PCDH15: variants seen among roughly 807,000 people sequenced by gnomAD.
PCDH15 encodes the protein protocadherin related 15.
PCDH15 carries 129 observed loss-of-function variants against 178.5 expected under a neutral mutation model. The observed-to-expected ratio is 0.72, with a 90% CI of 0.63 to 0.84. The LOEUF is 0.84. PCDH15 is among the 40% of genes least tolerant of loss of function. The pLI is 0.00. For missense variants in PCDH15, 2,230 were observed against 2,099.9 expected (o/e 1.06, Z -1.21); for synonymous variants, 800 against 732.0 (o/e 1.09, Z -1.50).
intron 2 of PCDH15, among the ~76,000 whole-genome samples, chr10:55,327,752 G>A (rs893632682): frequency 1.3e-5 from 2 of 151,920 alleles, no homozygotes; most frequent in Non-Finnish European, 2.9e-5. Context: ...CATGTTAATA[G>A]CTGACACCTA....
In PCDH15 at chr10:53,989,812, A is replaced by C. The variant is rs569791068; in HGVS notation, c.2868+5837T>G. Among the ~76,000 whole-genome samples the C allele has an allele frequency of 6.6e-5, 10 of 152,296 alleles. No individual in the cohort carries two copies. In the South Asian group the frequency reaches 2.1e-3, roughly 32 times the overall value. On this transcript the variant is annotated intron_variant, in intron 21 of 37. Transcript: ENST00000644397. ...GCAATAATCTAAATCAATACAGACT[A>C]ACAACACAAGCCAGTATGTGGTGAG...
intron 1 of PCDH15, among the ~76,000 whole-genome samples, chr10:54,677,463 G>A (rs1486323094): frequency 3.3e-5 from 5 of 152,086 alleles, no homozygotes; most frequent in Admixed American, 6.6e-5. Flanking sequence ...TGATAATAGC[G>A]TGTGTGCATG....
chr10:54,609,904 G>A (rs2092905971), intron 2 of PCDH15, among the ~76,000 whole-genome samples: 1 of 151,812 alleles, frequency 6.6e-6, no homozygotes, highest in African/African-American at 2.4e-5. Flanking sequence ...CACTTTATAT[G>A]CAGTTCAATT....
intron 2 of PCDH15, among the ~76,000 whole-genome samples, chr10:55,528,269 TACA>T (rs1201423582): frequency 6.6e-6 from 1 of 151,892 alleles, no homozygotes; most frequent in East Asian, 1.9e-4. Flanking sequence ...GGTACATGTA[TACA>T]ACGTGCAGGT....
Position 54,236,816 on chromosome 10 carries a change from T to C in PCDH15, c.985+7A>G, listed in dbSNP as rs753064490. 5 of 1,600,834 alleles carry C rather than the reference T, an allele frequency of 3.1e-6. No homozygotes were observed. Among genetic ancestry groups the C allele is most frequent in the Non-Finnish European group, 4.3e-6 (5 of 1,168,124 alleles). On this transcript the variant is annotated splice_region_variant and intron_variant, in intron 9 of 37. Transcript: ENST00000644397. ...ACTGATAGTGTAAAATGTTATCAGA[T>C]ACAAACCAACAAGGATGGAATAGAG...
At chr10:55,355,783 C>T (rs1221691710) in intron 2 of PCDH15, among the ~76,000 whole-genome samples, 2 of 151,824 alleles carry the variant, frequency 1.3e-5, no homozygotes, top group African/African-American at 2.4e-5. Context: ...TTAAATTATA[C>T]ACATTATAGT....
intron 2 of PCDH15, among the ~76,000 whole-genome samples, chr10:55,498,746 A>C (rs371018191): frequency 1.3e-5 from 2 of 151,876 alleles, no homozygotes; most frequent in East Asian, 3.9e-4. Context: ...ACAGGATTTT[A>C]AAATAGCCTC....
intron 3 of PCDH15, among the ~76,000 whole-genome samples, chr10:54,384,124 G>T (rs184581774): frequency 1.2e-4 from 18 of 151,666 alleles, no homozygotes; most frequent in African/African-American, 3.4e-4. Context: ...GTGAGCTACT[G>T]CATCCAGCCA....
chr10:54,966,644 T>C (rs1304283341), intron 2 of PCDH15, among the ~76,000 whole-genome samples: 4 of 152,128 alleles, frequency 2.6e-5, no homozygotes, highest in Non-Finnish European at 4.4e-5. Flanking sequence ...TGGGAGATCA[T>C]TGAATCATGG....
chr10:55,334,549 C>A (rs187675165), intron 2 of PCDH15, among the ~76,000 whole-genome samples: 2,065 of 151,810 alleles, frequency 0.014, 33 homozygotes, highest in Middle Eastern at 0.051. Flanking sequence ...TCAGGTCATC[C>A]GCCTGCCTCA....
intron 2 of PCDH15, among the ~76,000 whole-genome samples, chr10:55,020,636 A>C (rs1479659604): frequency 7.9e-5 from 12 of 152,166 alleles, no homozygotes; most frequent in Admixed American, 7.9e-4. Flanking sequence ...GCCAGAGGGA[A>C]AAGTCAAGCT....
At chr10:55,320,797 C>T (rs112252174), upstream of PCDH15, among the ~76,000 whole-genome samples, 5 of 152,110 alleles carry the variant, frequency 3.3e-5, no homozygotes, top group Non-Finnish European at 4.4e-5. Flanking sequence ...AAAGCAATGC[C>T]AAAGACTGAA....
chr10:54,224,512 C>G (rs906758969), intron 9 of PCDH15, among the ~76,000 whole-genome samples: 1 of 152,054 alleles, frequency 6.6e-6, no homozygotes, highest in Non-Finnish European at 1.5e-5. Flanking sequence ...ATCTCTGAAG[C>G]TCTGGGTTTT....
At chr10:53,925,452 C>G (rs1004529002) in intron 25 of PCDH15, among the ~76,000 whole-genome samples, 1 of 152,222 alleles carries the variant, frequency 6.6e-6, no homozygotes, top group African/African-American at 2.4e-5. Context: ...GACGCACCAT[C>G]TTTTAGAACC....
intron 1 of PCDH15, among the ~76,000 whole-genome samples, chr10:54,687,077 AT>A (rs1224174951): frequency 6.6e-6 from 1 of 152,164 alleles, no homozygotes; most frequent in Non-Finnish European, 1.5e-5. Context: ...TCAACAAGAG[AT>A]ATCTCCTCAC....
chr10:54,801,855 C>T (rs757994004), upstream of PCDH15, among the ~76,000 whole-genome samples: 88 of 152,266 alleles, frequency 5.8e-4, no homozygotes, highest in Non-Finnish European at 9.4e-4. Flanking sequence ...ATTTCTTAAA[C>T]ATTGTAATAT....
At chr10:54,484,371 A>T (rs1278442201) in intron 3 of PCDH15, among the ~76,000 whole-genome samples, 1 of 151,944 alleles carries the variant, frequency 6.6e-6, no homozygotes, top group Non-Finnish European at 1.5e-5. Flanking sequence ...AATGCTGTTC[A>T]ACCTTTAATA....
chr10:53,882,424 C>T (rs1424062514), intron 26 of PCDH15, among the ~76,000 whole-genome samples: 1 of 152,184 alleles, frequency 6.6e-6, no homozygotes, highest in Non-Finnish European at 1.5e-5. Flanking sequence ...CTCTGCTGGA[C>T]TTCGTCGCCC....
At chr10:54,272,100 A>G (rs566043511) in intron 8 of PCDH15, among the ~76,000 whole-genome samples, 1 of 146,568 alleles carries the variant, frequency 6.8e-6, no homozygotes, top group South Asian at 2.2e-4. Flanking sequence ...CATACTTAAT[A>G]ATGTAGTACA....
Sources: allele counts gnomAD v4.1 joint callset (sites outside exome capture counted in the v4.1 genomes callset), GRCh38; gene constraint gnomAD v4.1.1; transcripts MANE v1.5; gene names NCBI Gene and HGNC (gene_info 2026-07-23, HGNC 2026-07-21).